SYNE1: variants seen among roughly 807,000 people sequenced by gnomAD.
SYNE1 encodes spectrin repeat containing nuclear envelope protein 1.
In SYNE1, 616 loss-of-function variants were observed where a neutral mutation model predicts 1,111.0. The observed-to-expected ratio is 0.55, with a 90% CI of 0.52 to 0.59. The LOEUF is 0.59. Among genes scored for constraint, SYNE1 ranks in the 20% least tolerant of loss-of-function variants. The pLI is 0.00. For synonymous variants in SYNE1, 3,855 were observed against 3,825.8 expected (o/e 1.01, Z -0.28); for missense variants, 10,006 against 10,417.0 (o/e 0.96, Z 1.72).
At chr6:152,253,397 T>A (rs545743227) in intron 104 of SYNE1, among the ~76,000 whole-genome samples, 257 of 152,270 alleles carry the variant, frequency 1.7e-3, no homozygotes, top group Non-Finnish European at 3.0e-3. Flanking sequence ...TCAGAGTATT[T>A]TAAACACATC....
At position 152,404,307 on chromosome 6, in the gene SYNE1, A is replaced by G. The variant is rs747485399; in HGVS notation, c.6731T>C (p.Val2244Ala). The change falls in exon 46 of 146, where the codon GTT becomes GCT. Residue 2244 changes from valine (V) to alanine (A), a missense_variant. Physicochemically the swap from Val to Ala is moderately conservative, Grantham distance 64. Coordinates refer to ENST00000367255, the MANE Select transcript of SYNE1 (RefSeq NM_182961.4). ...TTCCAATCTCAATGCTTTGTTTTTA[A>G]CTTCAGACTGCCAAAAGGGAAGAAA... The part of the protein sequence containing the change: ...EELLKEFESE[V>A]KNKALRLEEL... 1 of 1,610,430 alleles carries G rather than the reference A, an allele frequency of 6.2e-7. No homozygotes were observed. The highest frequency in any genetic ancestry group is 2.2e-5 in the East Asian group (1 of 44,678).
Position 152,413,357 on chromosome 6 carries a change from A to G in SYNE1, c.6225T>C (p.His2075=), listed in dbSNP as rs777893589. Residue 2075 remains histidine (H), a synonymous_variant, in exon 42 of 146, where the codon CAT becomes CAC. Transcript: ENST00000367255. ...CTGGGTGGGTTTTGACTTACTTTTCATGAATTAGTCTTTTGGTATCATCCC... is the reference window on the plus strand; with the variant it reads ...CTGGGTGGGTTTTGACTTACTTTTCGTGAATTAGTCTTTTGGTATCATCCC... ...VTWDDTKRLI[H]ENQGQCCGLI... is the part of the protein sequence containing the mutation. 14 of 1,614,030 alleles carry G rather than the reference A, an allele frequency of 8.7e-6. No homozygotes were observed. The highest frequency in any genetic ancestry group is 2.2e-5 in the South Asian group (2 of 91,082).
chr6:152,547,623 C>T (rs2099320534), intron 3 of SYNE1, among the ~76,000 whole-genome samples: 2 of 152,152 alleles, frequency 1.3e-5, no homozygotes, highest in Admixed American at 1.3e-4. Flanking sequence ...AAGATATTTT[C>T]TTATTCCTAG....
intron 93 of SYNE1, among the ~76,000 whole-genome samples, chr6:152,294,816 T>C (rs1462929589): frequency 2.0e-5 from 3 of 152,200 alleles, no homozygotes; most frequent in Non-Finnish European, 4.4e-5. Flanking sequence ...TGATAAAATT[T>C]ACTATATCAA....
rs191026970 is a variant in SYNE1 at position 152,368,877 on chromosome 6, G to A, written c.9807+95C>T. 241 of 1,515,618 alleles carry A rather than the reference G, an allele frequency of 1.6e-4. No individual in the cohort carries two copies. In the East Asian group the frequency reaches 4.2e-3, roughly 27 times the overall value. 93.9% of individuals were successfully genotyped at this position (1,515,618 alleles called of 1,614,324 possible). A position where few individuals can be genotyped will look rare whatever the true frequency, so the allele number is the denominator to read the frequency against. On this transcript the variant is annotated intron_variant, in intron 61 of 145. Coordinates refer to ENST00000367255, the MANE Select transcript of SYNE1 (RefSeq NM_182961.4). ...TGACCTGGAGACCCACACTGTGGGCGGGTCAGGATGCAATGCACACCCTGC... is the reference window on the plus strand; with the variant it reads ...TGACCTGGAGACCCACACTGTGGGCAGGTCAGGATGCAATGCACACCCTGC...
chr6:152,376,871 C>A lies in SYNE1; in HGVS notation c.9051G>T (p.Glu3017Asp). ...GTTCATTCAGCTGAGACTTGAGATC[C>A]TCTGTTCTAGGCTCTGCTTTTTGCA... ...DALQKAEPRT[E>D]DLKSQLNELC... is the part of the protein sequence containing the mutation. Residue 3017 changes from glutamate to aspartate, a missense_variant, in exon 57 of 146, where the codon GAG becomes GAT. By Grantham distance (45) the Glu-to-Asp change is conservative (BLOSUM62 2). Around this residue, in one of 7 missense-constraint regions of SYNE1, gnomAD observed 4,955 missense variants for 5,017.2 expected, o/e 0.99. Transcript: ENST00000367255. 3.1e-6 allele frequency: 5 copies of A among 1,614,078 alleles called. No individual in the cohort carries two copies. Among genetic ancestry groups the A allele is most frequent in the Non-Finnish European group, 4.2e-6 (5 of 1,180,010 alleles).
chr6:152,189,224 A>G, intron 128 of SYNE1, 28 bp downstream of exon 128: 1 of 1,612,196 alleles, frequency 6.2e-7, no homozygotes, highest in Admixed American at 1.7e-5. Flanking sequence ...CATCATCAAG[A>G]TAATTCCATT....
intron 3 of SYNE1, among the ~76,000 whole-genome samples, chr6:152,570,174 C>T (rs2099442149): frequency 1.3e-5 from 2 of 152,078 alleles, no homozygotes; most frequent in Non-Finnish European, 2.9e-5. Context: ...AAATAAAAAA[C>T]ACAATCTTCC....
rs755826825 is a variant in SYNE1, at chr6:152,219,161, C to T, written c.21886G>A (p.Val7296Ile). The change falls in exon 120 of 146, where the codon GTT (valine) becomes ATT (isoleucine). Residue 7296 changes from valine (V) to isoleucine (I), a missense_variant. Around this residue, in one of 7 missense-constraint regions of SYNE1, gnomAD observed 2,182 missense variants for 2,287.8 expected, o/e 0.95. Transcript: ENST00000367255. ...TGGAGAAAAAAGAGGGAATCTTTAACTGTGCCCAGTCCTTTGAGGAGGTCC... is the reference window on the plus strand; with the variant it reads ...TGGAGAAAAAAGAGGGAATCTTTAATTGTGCCCAGTCCTTTGAGGAGGTCC... ...CNDLLKGLGT[V>I]KDSLFFLHEL... 4 of 1,613,920 alleles carry T rather than the reference C, an allele frequency of 2.5e-6. No individual in the cohort carries two copies. The East Asian group carries it at 8.9e-5, about 36-fold the overall frequency.
At chr6:152,416,275 G>T (rs2098153406) in intron 41 of SYNE1, 112 bp downstream of exon 41, 3 of 1,453,294 alleles carry the variant, frequency 2.1e-6, no homozygotes, top group Non-Finnish European at 1.9e-6. Flanking sequence ...GTGAATTGGG[G>T]TCCTGAGTTT....
chr6:152,279,153 T>C (rs1322042176), intron 97 of SYNE1, among the ~76,000 whole-genome samples: 2 of 146,752 alleles, frequency 1.4e-5, no homozygotes, highest in African/African-American at 4.9e-5. Context: ...TTTTCTTTTT[T>C]TTTTTTTTTT....
chr6:152,248,462 C>CT (rs35014681), intron 105 of SYNE1, among the ~76,000 whole-genome samples: 116,098 of 148,726 alleles, frequency 0.78, 46,152 homozygotes, highest in African/African-American at 0.93. Context: ...TATTTATTTC[C>CT]TTTTTTTTTT....
chr6:152,395,700 T>G (rs769867428), intron 50 of SYNE1, 29 bp from the exon 51 acceptor site: 1 of 1,612,632 alleles, frequency 6.2e-7, no homozygotes, highest in Non-Finnish European at 8.5e-7. Context: ...CTTAGAGAAA[T>G]TCTTACATGC....
intron 127 of SYNE1, among the ~76,000 whole-genome samples, chr6:152,196,242 A>G (rs1368576541): frequency 1.3e-5 from 2 of 152,096 alleles, no homozygotes; most frequent in African/African-American, 4.8e-5. Context: ...GGAATTGAGT[A>G]CCCCTGGAGC....
chr6:152,409,600 T>A lies in SYNE1; in HGVS notation c.6340A>T (p.Thr2114Ser). Residue 2114 changes from threonine (T) to serine (S), a missense_variant, in exon 43 of 146, where the codon ACC (threonine) becomes TCC (serine). By Grantham distance (58) the Thr-to-Ser change is moderately conservative (BLOSUM62 1). Transcript: ENST00000367255. ...NASSVIVTRT[T>S]IKDQEDLKWA... ...TTAAGATCCTCCTGATCTTTTATGGTAGTTCTGGTTACAATCACACTGCTG... is the reference window on the plus strand; with the variant it reads ...TTAAGATCCTCCTGATCTTTTATGGAAGTTCTGGTTACAATCACACTGCTG... The A allele has an allele frequency of 6.2e-7, 1 of 1,613,878 alleles. No individual in the cohort carries two copies. The highest frequency in any genetic ancestry group is 8.5e-7 in the Non-Finnish European group (1 of 1,179,956).
intron 2 of SYNE1, among the ~76,000 whole-genome samples, chr6:152,632,865 C>G (rs1348437861): frequency 6.6e-6 from 1 of 152,142 alleles, no homozygotes; most frequent in African/African-American, 2.4e-5. Context: ...ATACTAGTTT[C>G]CATTTTCCTT....
Position 152,505,068 on chromosome 6 carries a change from A to T in SYNE1, c.778+133T>A, listed in dbSNP as rs990385354. 3.5e-4 allele frequency: 340 copies of T among 980,370 alleles called. 2 individuals are homozygous for T. Among genetic ancestry groups the T allele is most frequent in the Non-Finnish European group, 7.2e-5 (46 of 637,830 alleles). The allele number at this position is 980,370 out of a possible 1,614,324, so 60.7% of individuals were successfully genotyped here. A position where few individuals can be genotyped will look rare whatever the true frequency, so the allele number is the denominator to read the frequency against. ...TCCAGAAGAAAATTGATGCAGGAAA[A>T]TACCATTACTTGCCACTTTTCTCCA... On this transcript the variant is annotated intron_variant, in intron 9 of 145. Coordinates refer to ENST00000367255, the MANE Select transcript of SYNE1 (RefSeq NM_182961.4).
intron 75 of SYNE1, among the ~76,000 whole-genome samples, chr6:152,338,070 T>C (rs1367876811): frequency 2.0e-5 from 3 of 151,852 alleles, no homozygotes; most frequent in South Asian, 2.1e-4. Flanking sequence ...ATTGCTTGAA[T>C]GTGGGAGGCG....
intron 2 of SYNE1, among the ~76,000 whole-genome samples, chr6:152,629,540 G>GGGGGGGGGGGGGGGGGGGGT (rs2099693915): frequency 8.5e-6 from 1 of 118,294 alleles, no homozygotes; most frequent in Non-Finnish European, 1.8e-5. Context: ...GGGGGGGGAG[G>GGGGGGGGGGGGGGGGGGGGT]GGGAGGGGAG....
Sources: gnomAD v4.1 joint callset for allele counts (sites outside exome capture counted in the v4.1 genomes callset) on GRCh38, gnomAD v4.1.1 for gene constraint, gnomAD v4.1.1 regional missense constraint, MANE v1.5 for transcripts, NCBI Gene and HGNC (gene_info 2026-07-23, HGNC 2026-07-21) for gene names.